Variants in GBGT1 observed in about 807,000 individuals in gnomAD.
GBGT1 encodes globoside alpha-1,3-N-acetylgalactosaminyltransferase 1.
A neutral mutation model predicts 20.9 loss-of-function variants in GBGT1; 18 were observed. That is an observed-to-expected ratio of 0.86 (90% CI 0.60 to 1.28). The LOEUF (loss-of-function observed/expected upper bound fraction) is 1.28. Ranked by LOEUF, GBGT1 falls within the 50% of genes most tolerant of loss-of-function variation. GBGT1 has a pLI of 0.00. For synonymous variants in GBGT1, 168 were observed against 180.8 expected, an observed-to-expected ratio of 0.93 and a Z score of 0.57; for missense variants, 432 against 455.7, an observed-to-expected ratio of 0.95 and a Z score of 0.47.
chr9:133,156,194 TC>T, intron 3 of GBGT1, 129 bp from the exon 4 acceptor site: 1 of 960,440 alleles, frequency 1.0e-6, no homozygotes, highest in Non-Finnish European at 1.6e-6. Flanking sequence ...CCTCTGACCT[TC>T]CCCCACAGCC....
At chr9:133,159,362 A>G (rs1832966190) in intron 3 of GBGT1, among the ~76,000 whole-genome samples, 1 of 152,218 alleles carries the variant, frequency 6.6e-6, no homozygotes, top group African/African-American at 2.4e-5. Flanking sequence ...CCCTGCTCAG[A>G]AAGCCCTGGG....
chr9:133,162,533 C>A lies in GBGT1; in HGVS notation c.-120-1G>T. On this transcript the variant is annotated splice_acceptor_variant, in intron 1 of 6. Transcript: ENST00000372040. LOFTEE classifies it low-confidence loss of function (5UTR_SPLICE). Reference sequence around the variant, plus strand: ...CTGGTCTCTGAGGTCCCAGGAACACCTGCAAAGGAACACTTTTGTTGTTTT... The same window carrying A: ...CTGGTCTCTGAGGTCCCAGGAACACATGCAAAGGAACACTTTTGTTGTTTT... 1.3e-6 allele frequency: 1 copy of A among 762,902 alleles called. No homozygotes were observed. Among genetic ancestry groups the A allele is most frequent in the Non-Finnish European group, 2.3e-6 (1 of 439,222 alleles). 47.3% of individuals were successfully genotyped at this position (762,902 alleles called of 1,614,324 possible).
At chr9:133,156,714 G>GTC (rs1273110399) in intron 3 of GBGT1, among the ~76,000 whole-genome samples, 13 of 151,854 alleles carry the variant, frequency 8.6e-5, no homozygotes, top group African/African-American at 2.9e-4. Flanking sequence ...CCTCGGGTGA[G>GTC]CTAAGAGCTA....
chr9:133,156,211 C>T (rs1226865391), intron 3 of GBGT1, 146 bp from the exon 4 acceptor site: 15 of 818,566 alleles, frequency 1.8e-5, no homozygotes, highest in Admixed American at 4.2e-5. Flanking sequence ...CAGCCCCACC[C>T]GACTCTACAG....
intron 3 of GBGT1, among the ~76,000 whole-genome samples, chr9:133,159,816 C>A (rs945227952): frequency 1.3e-5 from 2 of 151,070 alleles, no homozygotes; most frequent in African/African-American, 4.9e-5. Context: ...CGCACACACA[C>A]AAGATAGACA....
chr9:133,162,486 G>T lies in GBGT1; in HGVS notation c.-74C>A. ...CCTGGGCGGATGAGGCTGTCCCCTC[G>T]CAGGGATGTCAGGCTCTGAGCCTGG... On this transcript the variant is annotated 5_prime_UTR_variant, in exon 2 of 7. Coordinates refer to ENST00000372040, the MANE Select transcript of GBGT1 (RefSeq NM_021996.6). The T allele has an allele frequency of 8.1e-7, 1 of 1,238,444 alleles. No homozygotes were observed. Among genetic ancestry groups the T allele is most frequent in the Non-Finnish European group, 1.2e-6 (1 of 859,258 alleles). 76.7% of individuals were successfully genotyped at this position (1,238,444 alleles called of 1,614,324 possible).
intron 3 of GBGT1, among the ~76,000 whole-genome samples, chr9:133,156,777 C>G (rs1490810348): frequency 6.6e-6 from 1 of 152,152 alleles, no homozygotes; most frequent in Non-Finnish European, 1.5e-5. Context: ...CCTGCCTTAG[C>G]CTCCTGAGTA....
In GBGT1 at chr9:133,154,506, G is replaced by A. The variant is rs1393158821; in HGVS notation, c.360-245C>T. The A allele has an allele frequency of 5.2e-6, 2 of 384,906 alleles. No individual in the cohort carries two copies. Among genetic ancestry groups the A allele is most frequent in the African/African-American group, 4.1e-5 (2 of 48,620 alleles). The allele number at this position is 384,906 out of a possible 1,614,324, so 23.8% of individuals were successfully genotyped here. ...CCTAGGCCAGGTGAACTTTTACTGA[G>A]CAATTTCTAAGTGCCCAGCGACGTT... On this transcript the variant is annotated intron_variant, in intron 6 of 6. Transcript: ENST00000372040. The surrounding 1 kb of genome is among the most constrained non-coding windows in gnomAD (Gnocchi z 4.2).
At position 133,154,924 on chromosome 9, in the gene GBGT1, T is replaced by TCCTGACAAAGGCTCCTGCTGTCC; in HGVS notation, c.359+231_359+253dup. 1 of 440,446 alleles carries TCCTGACAAAGGCTCCTGCTGTCC rather than the reference T, an allele frequency of 2.3e-6. No homozygotes were observed. Among genetic ancestry groups the TCCTGACAAAGGCTCCTGCTGTCC allele is most frequent in the Middle Eastern group, 6.1e-4 (1 of 1,646 alleles). The allele number at this position is 440,446 out of a possible 1,614,324, so 27.3% of individuals were successfully genotyped here. A position where few individuals can be genotyped will look rare whatever the true frequency, so the allele number is the denominator to read the frequency against. On this transcript the variant is annotated intron_variant, in intron 6 of 6. Coordinates refer to ENST00000372040, the MANE Select transcript of GBGT1 (RefSeq NM_021996.6). The surrounding 1 kb of genome is among the most constrained non-coding windows in gnomAD (Gnocchi z 4.2). ...TGAAACAGGGAGGGGCAAGGGGGCC[T>TCCTGACAAAGGCTCCTGCTGTCC]CCTGACAAAGGCTCCTGCTGTCCCC...
In GBGT1 at chr9:133,153,526, G is replaced by A. The variant is rs1832770137; in HGVS notation, c.*51C>T. ...CTGGTCTGCACGCTAGTGAAGCACT[G>A]GTGGCTGCAGGTCTTTGGGTCCCCA... On this transcript the variant is annotated 3_prime_UTR_variant, in exon 7 of 7. Coordinates refer to ENST00000372040, the MANE Select transcript of GBGT1 (RefSeq NM_021996.6). 2 of 1,337,702 alleles carry A rather than the reference G, an allele frequency of 1.5e-6. No individual in the cohort carries two copies. Among genetic ancestry groups the A allele is most frequent in the Admixed American group, 2.3e-5 (1 of 43,874 alleles). 82.9% of individuals were successfully genotyped at this position (1,337,702 alleles called of 1,614,324 possible). A position where few individuals can be genotyped will look rare whatever the true frequency, so the allele number is the denominator to read the frequency against.
At chr9:133,159,403 G>A (rs1442931073) in intron 3 of GBGT1, among the ~76,000 whole-genome samples, 1 of 152,182 alleles carries the variant, frequency 6.6e-6, no homozygotes, top group Non-Finnish European at 1.5e-5. Flanking sequence ...GTTAGAAGGG[G>A]TACCAAACAG....
At chr9:133,157,648 G>A (rs1361247814) in intron 3 of GBGT1, among the ~76,000 whole-genome samples, 1 of 152,234 alleles carries the variant, frequency 6.6e-6, no homozygotes, top group Non-Finnish European at 1.5e-5. Context: ...CAAACTGGTT[G>A]GAGAAGAAAG....
intron 1 of GBGT1, 107 bp downstream of exon 1, chr9:133,163,647 C>G (rs1289231177): frequency 6.6e-6 from 1 of 152,540 alleles, no homozygotes; most frequent in Non-Finnish European, 1.5e-5. Flanking sequence ...ACCCTGGGTC[C>G]GAGATGCGCA....
At chr9:133,156,376 A>G (rs1039464567) in intron 3 of GBGT1, among the ~76,000 whole-genome samples, 3 of 152,158 alleles carry the variant, frequency 2.0e-5, no homozygotes, top group Non-Finnish European at 4.4e-5. Flanking sequence ...GAAAACCTGC[A>G]AAGGGCCAGG....
At chr9:133,157,775 A>G (rs1009926857) in intron 3 of GBGT1, among the ~76,000 whole-genome samples, 1 of 152,344 alleles carries the variant, frequency 6.6e-6, no homozygotes, top group East Asian at 1.9e-4. Flanking sequence ...TGTGAACTTT[A>G]GTTTCCTCAT....
chr9:133,158,307 C>A (rs937795188), intron 3 of GBGT1, among the ~76,000 whole-genome samples: 11 of 152,132 alleles, frequency 7.2e-5, no homozygotes, highest in African/African-American at 2.4e-4. Context: ...GAGGTGGGGT[C>A]TATCTGTGTT....
chr9:133,157,465 A>G (rs1564265273), intron 3 of GBGT1, among the ~76,000 whole-genome samples: 1 of 152,220 alleles, frequency 6.6e-6, no homozygotes, highest in African/African-American at 2.4e-5. Flanking sequence ...ACTGACTGCC[A>G]TTTCTCTGCA....
At chr9:133,155,442 A>C in intron 5 of GBGT1, 130 bp from the exon 6 acceptor site, 1 of 1,055,240 alleles carries the variant, frequency 9.5e-7, no homozygotes, top group Non-Finnish European at 1.4e-6. Context: ...CTTTCCTCAT[A>C]TGGAAAGTGG....
At chr9:133,157,047 C>A (rs1209710702) in intron 3 of GBGT1, among the ~76,000 whole-genome samples, 1 of 152,104 alleles carries the variant, frequency 6.6e-6, no homozygotes, top group African/African-American at 2.4e-5. Context: ...ACTTTGGGGG[C>A]CCAACGCGGG....
Sources: gnomAD v4.1 joint callset for allele counts (sites outside exome capture counted in the v4.1 genomes callset) on GRCh38, gnomAD v4.1.1 for gene constraint, Gnocchi (gnomAD v3.1) non-coding constraint, MANE v1.5 for transcripts, NCBI Gene and HGNC (gene_info 2026-07-23, HGNC 2026-07-21) for gene names.